POLG2: variants seen among roughly 807,000 people sequenced by gnomAD.
The protein encoded by POLG2 is DNA polymerase subunit gamma-2.
In POLG2, 50 loss-of-function variants were observed where a neutral mutation model predicts 56.5. The ratio of observed to expected loss-of-function variants is 0.88; its 90% CI spans 0.71 to 1.12. The LOEUF (loss-of-function observed/expected upper bound fraction) is 1.12, where lower values mean the gene tolerates loss of function less well. Ranked by LOEUF, POLG2 falls within the 50% of genes most tolerant of loss-of-function variation. POLG2 has a pLI of 0.00. For synonymous variants in POLG2, 226 were observed against 222.6 expected (o/e 1.02, Z -0.14); for missense variants, 584 against 583.3 (o/e 1.00, Z -0.01).
At position 64,492,689 on chromosome 17, in the gene POLG2, T is replaced by G. The variant is rs782088856; in HGVS notation, c.773A>C (p.His258Pro). ...SNQWLDFWLR[H>P]RLQWWRKFAM... The stretch of plus-strand genomic sequence containing the variant: ...TACCTTTCTCCACCACTGGAGTCGA[T>G]GACGTAACCAGAAATCAAGCCACTG... The change falls in exon 3 of 8, where the codon CAT becomes CCT. Residue 258 changes from histidine (H) to proline (P), a missense_variant. By Grantham distance (77) the His-to-Pro change is moderately conservative. Coordinates refer to ENST00000539111, the MANE Select transcript of POLG2 (RefSeq NM_007215.4). 1 of 1,610,200 alleles carries G rather than the reference T, an allele frequency of 6.2e-7. No homozygotes were observed. Among genetic ancestry groups the G allele is most frequent in the South Asian group, 1.1e-5 (1 of 91,000 alleles).
intron 4 of POLG2, among the ~76,000 whole-genome samples, chr17:64,489,536 G>T (rs1281174467): frequency 6.6e-6 from 1 of 151,236 alleles, no homozygotes; most frequent in African/African-American, 2.4e-5. Context: ...TGAGGCAGGG[G>T]GATTGTTTCA....
intron 5 of POLG2, chr17:64,485,056 T>G (rs2037927734): frequency 6.6e-6 from 1 of 152,260 alleles, no homozygotes; most frequent in Non-Finnish European, 1.5e-5. Flanking sequence ...CCCAGTAGCC[T>G]TTTTATATCT....
intron 7 of POLG2, among the ~76,000 whole-genome samples, chr17:64,479,855 G>A (rs1273354012): frequency 6.6e-6 from 1 of 152,196 alleles, no homozygotes; most frequent in African/African-American, 2.4e-5. Context: ...TTGAGCAATT[G>A]GGTGAACAGA....
chr17:64,489,121 T>C (rs1555668059), intron 4 of POLG2, among the ~76,000 whole-genome samples: 1 of 150,396 alleles, frequency 6.6e-6, no homozygotes, highest in African/African-American at 2.4e-5. Flanking sequence ...TGGAACAATA[T>C]ATTGCTACAA....
At chr17:64,485,052 A>T (rs1185717833) in intron 5 of POLG2, 1 of 152,290 alleles carries the variant, frequency 6.6e-6, no homozygotes, top group African/African-American at 2.4e-5. Flanking sequence ...AAAGCCCAGT[A>T]GCCTTTTTAT....
intron 4 of POLG2, chr17:64,487,467 A>C (rs2144166439): frequency 6.6e-6 from 1 of 152,282 alleles, no homozygotes; most frequent in South Asian, 2.1e-4. Context: ...GACAAAAATT[A>C]GCTGGGCATG....
intron 6 of POLG2, among the ~76,000 whole-genome samples, chr17:64,482,099 T>A (rs1364090233): frequency 1.3e-4 from 18 of 138,910 alleles, no homozygotes; most frequent in Non-Finnish European, 2.0e-4. Context: ...ATTAAAGCTT[T>A]TTTTTTTTTT....
Position 64,477,831 on chromosome 17 carries a change from T to G in POLG2, c.1450A>C (p.Asn484His), listed in dbSNP as rs782277437. ...FLIKYISSAK[N>H]V ...TATACAAATATAAAAATCTATACATTCTTAGCTGATGATATATACTTAATC... is the reference window on the plus strand; with the variant it reads ...TATACAAATATAAAAATCTATACATGCTTAGCTGATGATATATACTTAATC... Residue 484 changes from asparagine to histidine, a missense_variant, in exon 8 of 8, where the codon AAT (asparagine) becomes CAT (histidine). By Grantham distance (68) the Asn-to-His change is moderately conservative. Coordinates refer to ENST00000539111, the MANE Select transcript of POLG2 (RefSeq NM_007215.4). 2 of 1,590,464 alleles carry G rather than the reference T, an allele frequency of 1.3e-6. No individual in the cohort carries two copies. The highest frequency in any genetic ancestry group is 1.2e-5 in the South Asian group (1 of 86,244).
intron 7 of POLG2, among the ~76,000 whole-genome samples, chr17:64,479,043 C>T (rs2144124352): frequency 6.6e-6 from 1 of 152,180 alleles, no homozygotes; most frequent in Non-Finnish European, 1.5e-5. Flanking sequence ...TTGACAATGT[C>T]CACATGGCTC....
intron 1 of POLG2, among the ~76,000 whole-genome samples, chr17:64,494,809 C>A (rs557233382): frequency 8.9e-4 from 135 of 152,300 alleles, no homozygotes; most frequent in African/African-American, 3.2e-3. Context: ...GTGTTTCAAA[C>A]TCACCTTGTA....
intron 5 of POLG2, among the ~76,000 whole-genome samples, chr17:64,483,664 GTTC>G (rs2037902297): frequency 6.7e-6 from 1 of 149,064 alleles, no homozygotes; most frequent in Admixed American, 6.7e-5. Flanking sequence ...AAAACCTACT[GTTC>G]TTCTCTTTTT....
intron 5 of POLG2, chr17:64,485,419 T>C (rs1394591235): frequency 8.2e-6 from 3 of 364,958 alleles, no homozygotes; most frequent in Non-Finnish European, 1.5e-5. Flanking sequence ...GTACCAATGC[T>C]TCAGCTTCTG....
chr17:64,481,454 G>T, intron 6 of POLG2: 1 of 979,628 alleles, frequency 1.0e-6, no homozygotes. Flanking sequence ...TCTCTGGAAC[G>T]AAATGAAAGC....
intron 5 of POLG2, chr17:64,484,262 T>C (rs2037914379): frequency 6.6e-6 from 1 of 152,214 alleles, no homozygotes; most frequent in Non-Finnish European, 1.5e-5. Flanking sequence ...TCTCTCCCTA[T>C]GGTGACACTT....
chr17:64,494,739 G>A (rs782504810), intron 1 of POLG2, among the ~76,000 whole-genome samples: 47 of 152,120 alleles, frequency 3.1e-4, no homozygotes, highest in Admixed American at 1.8e-3. Flanking sequence ...GCCAGCATCT[G>A]TGACCTTTTT....
Position 64,490,922 on chromosome 17 carries a change from T to C in POLG2, c.843A>G (p.Glu281=), listed in dbSNP as rs781829325. 1 of 1,614,000 alleles carries C rather than the reference T, an allele frequency of 6.2e-7. No homozygotes were observed. The highest frequency in any genetic ancestry group is 1.6e-4 in the Middle Eastern group (1 of 6,062). ...SNFSSSDCQD[E]EGRKGNKLYY... The stretch of plus-strand genomic sequence containing the variant: ...AAAGTTTGTTTCCTTTCCGGCCTTC[T>C]TCATCCTGACAGTCACTGCTGCTGA... Residue 281 remains glutamate (E), a synonymous_variant, in exon 4 of 8, where the codon GAA becomes GAG. Transcript: ENST00000539111.
At chr17:64,495,233 G>A (rs2038131120) in intron 1 of POLG2, among the ~76,000 whole-genome samples, 1 of 150,314 alleles carries the variant, frequency 6.7e-6, no homozygotes, top group Non-Finnish European at 1.5e-5. Flanking sequence ...CATTGCTACT[G>A]AGGGTCATTG....
intron 4 of POLG2, 23 bp downstream of exon 4, chr17:64,490,773 T>A: frequency 6.3e-7 from 1 of 1,589,678 alleles, no homozygotes; most frequent in African/African-American, 1.3e-5. Context: ...AAAAAATACA[T>A]AGGAGCTCCA....
At chr17:64,482,834 G>A (rs2037884380) in intron 6 of POLG2, 85 bp downstream of exon 6, 3 of 806,428 alleles carry the variant, frequency 3.7e-6, no homozygotes, top group East Asian at 2.5e-5. Context: ...AAAAAAATCC[G>A]AGATCCAAAA....
Sources: allele counts gnomAD v4.1 joint callset (sites outside exome capture counted in the v4.1 genomes callset), GRCh38; gene constraint gnomAD v4.1.1; transcripts MANE v1.5; gene names NCBI Gene and HGNC (gene_info 2026-07-23, HGNC 2026-07-21).